RBFOX1: variants seen among roughly 807,000 people sequenced by gnomAD.
RBFOX1 encodes RNA binding protein fox-1 homolog 1.
Under a neutral mutation model 57.7 loss-of-function variants are expected in RBFOX1, and 8 were observed. The ratio of observed to expected loss-of-function variants is 0.14; its 90% confidence interval spans 0.08 to 0.25. The LOEUF (loss-of-function observed/expected upper bound fraction) is 0.25. Among genes scored for constraint, RBFOX1 ranks in the 10% least tolerant of loss-of-function variants. RBFOX1 has a pLI of 1.00. For missense variants in RBFOX1, 611 were observed against 548.5 expected, an observed-to-expected ratio of 1.11 and a Z score of -1.14; for synonymous variants, 326 against 222.4, an observed-to-expected ratio of 1.47 and a Z score of -4.15.
At chr16:6,902,632 G>A (rs549944487) in intron 3 of RBFOX1, among the ~76,000 whole-genome samples, 48 of 152,290 alleles carry the variant, frequency 3.2e-4, no homozygotes, top group African/African-American at 1.1e-3. Flanking sequence ...TCAGAAAGGA[G>A]AATTGCTTGA....
intron 5 of RBFOX1, among the ~76,000 whole-genome samples, chr16:7,563,247 T>C (rs1220597881): frequency 1.3e-5 from 2 of 152,188 alleles, no homozygotes; most frequent in African/African-American, 4.8e-5. Context: ...ATTATAATAA[T>C]CATGGTCCAT....
chr16:6,510,300 C>A (rs920742578), intron 2 of RBFOX1, among the ~76,000 whole-genome samples: 15 of 152,112 alleles, frequency 9.9e-5, no homozygotes, highest in African/African-American at 3.1e-4. Context: ...TCAGTCACCT[C>A]AAGTTGAAGT....
At chr16:6,983,715 G>C (rs1278261464) in intron 3 of RBFOX1, 4 of 152,424 alleles carry the variant, frequency 2.6e-5, no homozygotes, top group Non-Finnish European at 5.9e-5. Flanking sequence ...CTCTAGGCTT[G>C]AAGGTCTGCT....
chr16:7,119,147 G>A (rs1447323828), intron 4 of RBFOX1, among the ~76,000 whole-genome samples: 1 of 152,102 alleles, frequency 6.6e-6, no homozygotes, highest in African/African-American at 2.4e-5. Context: ...ATCTGAGGAA[G>A]ACCATGCATT....
At chr16:5,898,954 G>A (rs939489435) in intron 4 of RBFOX1, among the ~76,000 whole-genome samples, 4 of 151,036 alleles carry the variant, frequency 2.6e-5, no homozygotes, top group Non-Finnish European at 5.9e-5. Flanking sequence ...TCCCAGCTAC[G>A]TGGGAGGTTG....
chr16:5,521,692 C>T (rs1340352806), intron 2 of RBFOX1, among the ~76,000 whole-genome samples: 1 of 152,164 alleles, frequency 6.6e-6, no homozygotes, highest in Non-Finnish European at 1.5e-5. Flanking sequence ...GCAGATCTCC[C>T]TGGGAGTTAC....
At chr16:5,457,669 G>T (rs553296506) in intron 1 of RBFOX1, among the ~76,000 whole-genome samples, 1 of 152,344 alleles carries the variant, frequency 6.6e-6, no homozygotes, top group East Asian at 1.9e-4. Flanking sequence ...TGCAGATACT[G>T]CTTTCTCCAA....
At position 5,666,549 on chromosome 16, in the gene RBFOX1, A is replaced by G. The variant is rs189614858; in HGVS notation, c.318+67588A>G. Among the ~76,000 whole-genome samples the G allele has an allele frequency of 1.9e-3, 291 of 152,348 alleles. 2 individuals are homozygous for G. The highest frequency in any genetic ancestry group is 6.6e-3 in the African/African-American group (274 of 41,574). ...GGAGCCTGCGTTTCTGTTGGAACAG[A>G]TAGATGATATATTAAATACGTACCT... On this transcript the variant is annotated intron_variant, in intron 3 of 19. Coordinates refer to the RBFOX1 transcript ENST00000641259.
In RBFOX1 at chr16:5,947,047, A is replaced by G. The variant is rs2059414379; in HGVS notation, c.351+79712A>G. ...AGCAATATAGTGACACCCCATCTGTACAAAATAAAGTGAAAATAAAATCAT... is the reference window on the plus strand; with the variant it reads ...AGCAATATAGTGACACCCCATCTGTGCAAAATAAAGTGAAAATAAAATCAT... On this transcript the variant is annotated intron_variant, in intron 4 of 19. Coordinates refer to the RBFOX1 transcript ENST00000641259. This position sits in a 1 kb window ranked among gnomAD's most constrained non-coding sequence, Gnocchi z 7.2. Among the ~76,000 whole-genome samples the G allele has an allele frequency of 6.6e-6, 1 of 152,288 alleles. No individual in the cohort carries two copies. The highest frequency in any genetic ancestry group is 1.5e-5 in the Non-Finnish European group (1 of 68,016).
chr16:5,727,135 C>T (rs546864223), intron 3 of RBFOX1, among the ~76,000 whole-genome samples: 1 of 152,266 alleles, frequency 6.6e-6, no homozygotes, highest in Admixed American at 6.5e-5. Flanking sequence ...GGTGTTCTTT[C>T]ATGTGCCTGT....
intron 5 of RBFOX1, among the ~76,000 whole-genome samples, chr16:7,542,265 G>C (rs1363914729): frequency 6.6e-6 from 1 of 152,132 alleles, no homozygotes; most frequent in Non-Finnish European, 1.5e-5. Context: ...ATCTAGGCAA[G>C]CAGCCAACCT....
chr16:6,709,900 A>T (rs921136499), intron 3 of RBFOX1, among the ~76,000 whole-genome samples: 1 of 152,126 alleles, frequency 6.6e-6, no homozygotes, highest in Non-Finnish European at 1.5e-5. Context: ...TACTGGCCAG[A>T]TGGATCGCTG....
At chr16:6,894,806 T>G (rs1171818596) in intron 3 of RBFOX1, among the ~76,000 whole-genome samples, 1 of 152,214 alleles carries the variant, frequency 6.6e-6, no homozygotes, top group Non-Finnish European at 1.5e-5. Context: ...GTAATTGTAT[T>G]TTATCATTTT....
At chr16:5,386,462 A>T (rs2066260038) in intron 1 of RBFOX1, among the ~76,000 whole-genome samples, 1 of 152,122 alleles carries the variant, frequency 6.6e-6, no homozygotes, top group African/African-American at 2.4e-5. Context: ...ATAGAAGCCA[A>T]AGCTGTCAGC....
chr16:6,520,847 T>C (rs2096484705), intron 2 of RBFOX1, among the ~76,000 whole-genome samples: 1 of 152,094 alleles, frequency 6.6e-6, no homozygotes. Flanking sequence ...AAAAGGACTT[T>C]GAAGTGCTAT....
intron 4 of RBFOX1, among the ~76,000 whole-genome samples, chr16:5,928,886 A>T (rs565605275): frequency 1.3e-5 from 2 of 152,076 alleles, no homozygotes; most frequent in Non-Finnish European, 2.9e-5. Context: ...CCTCTGTGAC[A>T]GCCCATGTTC....
chr16:5,709,028 C>T (rs1301218477), intron 3 of RBFOX1, among the ~76,000 whole-genome samples: 2 of 152,180 alleles, frequency 1.3e-5, no homozygotes, highest in South Asian at 2.1e-4. Context: ...CGAAATATTT[C>T]CCTACTCAGG....
At chr16:6,391,247 C>T (rs1028298330) in intron 2 of RBFOX1, among the ~76,000 whole-genome samples, 8 of 152,152 alleles carry the variant, frequency 5.3e-5, no homozygotes, top group African/African-American at 1.4e-4. Context: ...CGGTGGCTCA[C>T]GCCTGTAATC....
chr16:7,709,487 C>G (rs557471817), intron 15 of RBFOX1: 3 of 1,465,596 alleles, frequency 2.0e-6, no homozygotes, highest in South Asian at 2.7e-5. Flanking sequence ...GCTGCTCATT[C>G]ACATAGCCCC....
Sources: allele counts gnomAD v4.1 joint callset (sites outside exome capture counted in the v4.1 genomes callset), GRCh38; gene constraint gnomAD v4.1.1; non-coding constraint Gnocchi (gnomAD v3.1); transcripts MANE v1.5; gene names NCBI Gene and HGNC (gene_info 2026-07-23, HGNC 2026-07-21).